The following NRG1 variants were observed in gnomAD, a reference collection of about 807,000 sequenced individuals.
NRG1 encodes pro-neuregulin-1, membrane-bound isoform.
Under a neutral mutation model 63.8 loss-of-function variants are expected in NRG1, and 18 were observed. The observed-to-expected ratio is 0.28, with a 90% CI of 0.19 to 0.42. The LOEUF (loss-of-function observed/expected upper bound fraction) is 0.42. Among genes scored for constraint, NRG1 ranks in the 10% least tolerant of loss-of-function variants. The pLI is 1.00. For synonymous variants in NRG1, 302 were observed against 301.3 expected (o/e 1.00, Z -0.02); for missense variants, 762 against 814.7 (o/e 0.94, Z 0.79).
At chr8:32,653,736 A>T (rs1319489432) in intron 5 of NRG1, among the ~76,000 whole-genome samples, 3 of 152,230 alleles carry the variant, frequency 2.0e-5, no homozygotes, top group African/African-American at 7.2e-5. Context: ...TTTGGCTTGC[A>T]TAACATCAAG....
intron 1 of NRG1, among the ~76,000 whole-genome samples, chr8:31,764,005 CAAA>C (rs559731505): frequency 1.6e-5 from 1 of 61,188 alleles, no homozygotes; most frequent in African/African-American, 6.1e-5. Flanking sequence ...GACTCCATCT[CAAA>C]AAAAAAAAAA....
At chr8:32,728,837 G>A (rs552396712) in intron 6 of NRG1, among the ~76,000 whole-genome samples, 31 of 152,086 alleles carry the variant, frequency 2.0e-4, no homozygotes, top group Admixed American at 1.2e-3. Context: ...AGGCCGAGGC[G>A]GGCAGATCAC....
At chr8:31,731,724 C>T (rs1414392387) in intron 1 of NRG1, among the ~76,000 whole-genome samples, 1 of 152,016 alleles carries the variant, frequency 6.6e-6, no homozygotes, top group Non-Finnish European at 1.5e-5. Context: ...TCAGGAAATT[C>T]TGAACTAAAA....
chr8:31,785,783 G>A (rs1328173745), intron 1 of NRG1, among the ~76,000 whole-genome samples: 2 of 152,084 alleles, frequency 1.3e-5, no homozygotes, highest in Non-Finnish European at 2.9e-5. Context: ...TCACAGGTTT[G>A]AAGAAATTAC....
At chr8:32,688,702 A>C (rs1365887407) in intron 5 of NRG1, among the ~76,000 whole-genome samples, 1 of 152,218 alleles carries the variant, frequency 6.6e-6, no homozygotes, top group African/African-American at 2.4e-5. Flanking sequence ...GTGTAATAAC[A>C]GTGACTTTTT....
intron 1 of NRG1, among the ~76,000 whole-genome samples, chr8:32,339,633 C>A (rs1803793222): frequency 1.3e-5 from 2 of 152,108 alleles, no homozygotes; most frequent in Admixed American, 6.6e-5. Context: ...TATTTACATG[C>A]TTTATCTAAT....
intron 7 of NRG1, among the ~76,000 whole-genome samples, chr8:32,750,512 T>C (rs1010739965): frequency 2.6e-5 from 4 of 152,086 alleles, no homozygotes; most frequent in African/African-American, 7.2e-5. Context: ...CACAATGTCC[T>C]GATTCACAGA....
intron 1 of NRG1, among the ~76,000 whole-genome samples, chr8:32,441,052 G>T (rs925250392): frequency 1.3e-5 from 2 of 152,006 alleles, no homozygotes; most frequent in Non-Finnish European, 2.9e-5. Flanking sequence ...GCAAATTTTC[G>T]TCAGTATACT....
At chr8:32,515,905 C>A (rs188136731) in intron 1 of NRG1, among the ~76,000 whole-genome samples, 1 of 152,284 alleles carries the variant, frequency 6.6e-6, no homozygotes, top group African/African-American at 2.4e-5. Context: ...TGTGCAGAAG[C>A]TCTTCAGTGT....
intron 1 of NRG1, among the ~76,000 whole-genome samples, chr8:32,432,306 A>G (rs577945663): frequency 1.4e-4 from 21 of 152,292 alleles, no homozygotes; most frequent in Admixed American, 3.3e-4. Flanking sequence ...GGCATATTTT[A>G]CATTTATTAA....
intron 5 of NRG1, among the ~76,000 whole-genome samples, chr8:32,670,918 A>G (rs1172277576): frequency 1.3e-5 from 2 of 152,194 alleles, no homozygotes; most frequent in East Asian, 3.9e-4. Context: ...GTATAGAATT[A>G]TGATTTGTCA....
At chr8:32,286,310 C>A (rs1853512299) in intron 1 of NRG1, among the ~76,000 whole-genome samples, 1 of 152,164 alleles carries the variant, frequency 6.6e-6, no homozygotes, top group African/African-American at 2.4e-5. Flanking sequence ...TGTGGCTGAT[C>A]TTGAATGGGC....
chr8:31,969,707 C>T (rs1413709904), intron 1 of NRG1, among the ~76,000 whole-genome samples: 7 of 152,214 alleles, frequency 4.6e-5, no homozygotes, highest in African/African-American at 1.2e-4. Context: ...TACTCCCTTA[C>T]ACAGAAACCT....
chr8:31,738,613 G>T (rs1337618576), intron 1 of NRG1, among the ~76,000 whole-genome samples: 4 of 152,010 alleles, frequency 2.6e-5, no homozygotes, highest in African/African-American at 9.7e-5. Context: ...TTGGTGCAAA[G>T]AAACACAAAC....
At chr8:32,213,379 A>G (rs1472280213) in intron 1 of NRG1, among the ~76,000 whole-genome samples, 2 of 152,132 alleles carry the variant, frequency 1.3e-5, no homozygotes, top group South Asian at 2.1e-4. Flanking sequence ...ACCAAACACC[A>G]CATGTTCTTA....
At chr8:32,064,115 T>C (rs1049276716) in intron 1 of NRG1, among the ~76,000 whole-genome samples, 12 of 152,100 alleles carry the variant, frequency 7.9e-5, no homozygotes, top group Non-Finnish European at 7.4e-5. Flanking sequence ...AGAAATGTTA[T>C]CTAGAAATCT....
chr8:31,989,838 T>G (rs1810753472), intron 1 of NRG1, among the ~76,000 whole-genome samples: 2 of 152,082 alleles, frequency 1.3e-5, no homozygotes. Context: ...GGTTTGTGGT[T>G]GGAATTTCTC....
intron 1 of NRG1, among the ~76,000 whole-genome samples, chr8:32,286,720 C>T (rs1170127454): frequency 1.3e-5 from 2 of 152,082 alleles, no homozygotes; most frequent in Non-Finnish European, 2.9e-5. Context: ...GTTTCCTGGC[C>T]GGGCACGGTG....
At chr8:32,756,280 C>T (rs1018027866) in intron 8 of NRG1, 123 bp from the exon 9 acceptor site, 3 of 1,060,600 alleles carry the variant, frequency 2.8e-6, no homozygotes, top group South Asian at 1.7e-5. Flanking sequence ...TACTCCCTTC[C>T]CTCTTCCTCA....
Sources: allele counts gnomAD v4.1 joint callset (sites outside exome capture counted in the v4.1 genomes callset), GRCh38; gene constraint gnomAD v4.1.1; transcripts MANE v1.5; gene names NCBI Gene and HGNC (gene_info 2026-07-23, HGNC 2026-07-21).